DGKB: variants seen among roughly 807,000 people sequenced by gnomAD.
DGKB encodes diacylglycerol kinase beta.
A neutral mutation model predicts 114.3 loss-of-function variants in DGKB; 67 were observed. The observed-to-expected ratio is 0.59, with a 90% CI of 0.48 to 0.72. The LOEUF (loss-of-function observed/expected upper bound fraction) is 0.72, where lower values mean the gene tolerates loss of function less well. DGKB is among the 30% of genes least tolerant of loss of function. DGKB has a pLI of 0.00. For missense variants in DGKB, 907 were observed against 975.2 expected (o/e 0.93, Z 0.93); for synonymous variants, 398 against 323.1 (o/e 1.23, Z -2.49).
intron 1 of DGKB, among the ~76,000 whole-genome samples, chr7:14,971,645 A>G (rs576042590): frequency 2.4e-3 from 361 of 152,294 alleles, no homozygotes; most frequent in Non-Finnish European, 3.7e-3. Flanking sequence ...ATTAAAATTA[A>G]ACGTATCAAA....
At chr7:14,738,781 T>C (rs1832114417) in intron 4 of DGKB, among the ~76,000 whole-genome samples, 1 of 152,218 alleles carries the variant, frequency 6.6e-6, no homozygotes, top group Admixed American at 6.5e-5. Context: ...AATGTGAACT[T>C]CCAGAAGTAG....
intron 4 of DGKB, 98 bp from the exon 5 acceptor site, chr7:14,736,292 C>T: frequency 1.4e-6 from 1 of 711,056 alleles, no homozygotes; most frequent in Non-Finnish European, 2.2e-6. Flanking sequence ...TGACCTCAAA[C>T]CATTTTTATA....
intron 17 of DGKB, among the ~76,000 whole-genome samples, chr7:14,594,524 T>A (rs1802229093): frequency 6.6e-6 from 1 of 152,222 alleles, no homozygotes; most frequent in African/African-American, 2.4e-5. Flanking sequence ...GAAGTTAAAA[T>A]GGAATAATTC....
chr7:14,552,670 G>A (rs1795268980), intron 20 of DGKB, among the ~76,000 whole-genome samples: 1 of 152,154 alleles, frequency 6.6e-6, no homozygotes, highest in Admixed American at 6.5e-5. Context: ...GTTTTCCGGG[G>A]CAGCTACCAT....
At chr7:14,309,619 G>T (rs1005881209) in intron 23 of DGKB, among the ~76,000 whole-genome samples, 1 of 152,214 alleles carries the variant, frequency 6.6e-6, no homozygotes, top group African/African-American at 2.4e-5. Context: ...TGCAGAAGTT[G>T]TTCACTTCCT....
chr7:14,390,969 G>A (rs1316277421), intron 21 of DGKB, among the ~76,000 whole-genome samples: 1 of 152,058 alleles, frequency 6.6e-6, no homozygotes, highest in Non-Finnish European at 1.5e-5. Flanking sequence ...CCTTCTTCAA[G>A]GACTCACCTC....
At chr7:14,454,543 A>G (rs1832001733) in intron 21 of DGKB, among the ~76,000 whole-genome samples, 1 of 152,074 alleles carries the variant, frequency 6.6e-6, no homozygotes, top group South Asian at 2.1e-4. Context: ...TTAAATCTAA[A>G]TTTTGTGCTC....
At chr7:14,950,166 A>T (rs1587442572) in intron 1 of DGKB, among the ~76,000 whole-genome samples, 1 of 152,086 alleles carries the variant, frequency 6.6e-6, no homozygotes, top group East Asian at 1.9e-4. Flanking sequence ...ACATGCTGGG[A>T]TTACAGGAGA....
intron 1 of DGKB, among the ~76,000 whole-genome samples, chr7:14,845,045 T>TGCA (rs1848446847): frequency 7.2e-6 from 1 of 139,778 alleles, no homozygotes; most frequent in Non-Finnish European, 1.5e-5. Flanking sequence ...AGGTAGAGGT[T>TGCA]GCAGTGGGCT....
At chr7:14,949,855 G>C (rs1490784269) in intron 1 of DGKB, among the ~76,000 whole-genome samples, 1 of 150,960 alleles carries the variant, frequency 6.6e-6, no homozygotes, top group African/African-American at 2.4e-5. Flanking sequence ...TGCAAGGACA[G>C]AAAACCAAAC....
intron 1 of DGKB, among the ~76,000 whole-genome samples, chr7:14,883,681 C>A (rs1854586493): frequency 6.6e-6 from 1 of 151,770 alleles, no homozygotes. Flanking sequence ...TTTTCGGAAC[C>A]TTTATGAAAA....
At chr7:14,934,488 T>C (rs1471943654) in intron 1 of DGKB, among the ~76,000 whole-genome samples, 1 of 152,140 alleles carries the variant, frequency 6.6e-6, no homozygotes, top group African/African-American at 2.4e-5. Context: ...TTCATTTATT[T>C]ATTTTTAATC....
At chr7:14,481,574 T>C (rs1019404416) in intron 20 of DGKB, among the ~76,000 whole-genome samples, 1 of 152,022 alleles carries the variant, frequency 6.6e-6, no homozygotes, top group African/African-American at 2.4e-5. Context: ...ACATTAAATA[T>C]CTTTTCAATT....
intron 1 of DGKB, among the ~76,000 whole-genome samples, chr7:14,935,959 C>T (rs575840780): frequency 1.3e-5 from 2 of 152,156 alleles, no homozygotes; most frequent in African/African-American, 4.8e-5. Context: ...TTTTGAGTAG[C>T]AAGACTATAG....
At chr7:14,803,257 A>G (rs951158413) in intron 2 of DGKB, among the ~76,000 whole-genome samples, 31 of 152,168 alleles carry the variant, frequency 2.0e-4, no homozygotes, top group African/African-American at 7.2e-4. Context: ...AAACAATTAA[A>G]GGAGAAGAGA....
intron 20 of DGKB, among the ~76,000 whole-genome samples, chr7:14,488,519 T>C (rs1214092672): frequency 1.3e-5 from 2 of 151,992 alleles, no homozygotes; most frequent in East Asian, 3.9e-4. Flanking sequence ...AAGGCGTTTA[T>C]TTTAAATCTC....
chr7:14,584,447 A>C (rs1333343447), intron 17 of DGKB, among the ~76,000 whole-genome samples: 1 of 152,148 alleles, frequency 6.6e-6, no homozygotes, highest in Non-Finnish European at 1.5e-5. Context: ...ATTTCCTTGC[A>C]ACCACAAAAC....
chr7:14,269,533 A>G (rs946417466), intron 23 of DGKB, among the ~76,000 whole-genome samples: 1 of 152,178 alleles, frequency 6.6e-6, no homozygotes, highest in African/African-American at 2.4e-5. Context: ...CTATATTCTT[A>G]CATTTATCTG....
chr7:14,767,134 A>AT (rs202106431), intron 2 of DGKB, among the ~76,000 whole-genome samples: 3 of 151,694 alleles, frequency 2.0e-5, no homozygotes, highest in African/African-American at 7.3e-5. Context: ...GGCAAGATAA[A>AT]TTTTTTTAAA....
Sources: allele counts gnomAD v4.1 joint callset (sites outside exome capture counted in the v4.1 genomes callset), GRCh38; gene constraint gnomAD v4.1.1; transcripts MANE v1.5; gene names NCBI Gene and HGNC (gene_info 2026-07-23, HGNC 2026-07-21).